The following FARS2 variants were observed in gnomAD, a reference collection of about 807,000 sequenced individuals.
FARS2 encodes the protein phenylalanine--tRNA ligase, mitochondrial.
A neutral mutation model predicts 46.4 loss-of-function variants in FARS2; 40 were observed. That is an observed-to-expected ratio of 0.86 (90% confidence interval 0.67 to 1.12). FARS2 has a LOEUF of 1.12. Ranked by LOEUF, FARS2 falls within the 50% of genes most tolerant of loss-of-function variation. FARS2 has a pLI of 0.00. For missense variants in FARS2, 513 were observed against 567.9 expected, an observed-to-expected ratio of 0.90 and a Z score of 0.98; for synonymous variants, 234 against 214.9, an observed-to-expected ratio of 1.09 and a Z score of -0.78.
At chr6:5,672,191 T>G (rs1778505518) in intron 6 of FARS2, among the ~76,000 whole-genome samples, 1 of 152,158 alleles carries the variant, frequency 6.6e-6, no homozygotes, top group Non-Finnish European at 1.5e-5. Context: ...TAAAGCGGCT[T>G]TGGTGGGGTT....
chr6:5,545,345 G>A lies in FARS2; in HGVS notation c.1065+5G>A, dbSNP rs761240951. ...AATCAGAAGGTGAAGTTTCAGGTAA[G>A]ATGACTTGCAAGAACTGAATAGATA... On this transcript the variant is annotated splice_donor_5th_base_variant and intron_variant, in intron 5 of 6. Coordinates refer to ENST00000274680, the MANE Select transcript of FARS2 (RefSeq NM_006567.5). The A allele has an allele frequency of 1.9e-6, 3 of 1,612,776 alleles. No homozygotes were observed. The highest frequency in any genetic ancestry group is 2.5e-6 in the Non-Finnish European group (3 of 1,179,024).
intron 1 of FARS2, among the ~76,000 whole-genome samples, chr6:5,298,434 T>A (rs1315296297): frequency 6.6e-6 from 1 of 152,210 alleles, no homozygotes; most frequent in Non-Finnish European, 1.5e-5. Flanking sequence ...AGACAAACAC[T>A]TGCTTTAGAC....
chr6:5,275,021 A>G (rs1766237456), intron 1 of FARS2, among the ~76,000 whole-genome samples: 2 of 152,218 alleles, frequency 1.3e-5, no homozygotes, highest in Admixed American at 6.5e-5. Context: ...ACATATTTCA[A>G]TATAGTGCCA....
intron 5 of FARS2, among the ~76,000 whole-genome samples, chr6:5,581,693 G>C (rs1431133595): frequency 1.3e-5 from 2 of 152,174 alleles, no homozygotes; most frequent in African/African-American, 4.8e-5. Context: ...TTCTTTCTGA[G>C]GAGCCAGGCC....
chr6:5,503,735 A>G (rs944773451), intron 4 of FARS2, among the ~76,000 whole-genome samples: 2 of 152,164 alleles, frequency 1.3e-5, no homozygotes, highest in African/African-American at 4.8e-5. Flanking sequence ...CTTTACACAG[A>G]ATGATTGAAC....
At chr6:5,660,134 G>A (rs886864567) in intron 6 of FARS2, among the ~76,000 whole-genome samples, 8 of 152,082 alleles carry the variant, frequency 5.3e-5, no homozygotes, top group East Asian at 1.9e-4. Context: ...TGTCCCCTTC[G>A]TTGATTAGTT....
At chr6:5,439,899 T>TTGC (rs974324592) in intron 4 of FARS2, among the ~76,000 whole-genome samples, 1 of 152,194 alleles carries the variant, frequency 6.6e-6, no homozygotes, top group African/African-American at 2.4e-5. Flanking sequence ...TAAGTCAGTC[T>TTGC]TGCCCCTTTT....
chr6:5,460,199 C>T (rs1353864719), intron 4 of FARS2, among the ~76,000 whole-genome samples: 1 of 152,190 alleles, frequency 6.6e-6, no homozygotes, highest in Non-Finnish European at 1.5e-5. Context: ...ATAATGCAAA[C>T]ACATACTCTC....
At chr6:5,439,005 G>C (rs932103334) in intron 4 of FARS2, among the ~76,000 whole-genome samples, 4 of 152,152 alleles carry the variant, frequency 2.6e-5, no homozygotes, top group African/African-American at 9.7e-5. Context: ...TGTCATCTGT[G>C]GTGACTGTTG....
At chr6:5,363,818 C>A (rs1185031028) in intron 1 of FARS2, among the ~76,000 whole-genome samples, 2 of 152,176 alleles carry the variant, frequency 1.3e-5, no homozygotes, top group Admixed American at 1.3e-4. Context: ...ATTCTTCTAT[C>A]TTTTGCCCAC....
intron 5 of FARS2, among the ~76,000 whole-genome samples, chr6:5,571,440 T>C (rs1772642205): frequency 6.6e-6 from 1 of 152,198 alleles, no homozygotes; most frequent in African/African-American, 2.4e-5. Flanking sequence ...CCAACGCACG[T>C]GGAGAATCCT....
chr6:5,720,910 G>C (rs1759852774), intron 6 of FARS2, among the ~76,000 whole-genome samples: 1 of 152,066 alleles, frequency 6.6e-6, no homozygotes, highest in African/African-American at 2.4e-5. Context: ...TTAATTAGCT[G>C]TGCTAGGTAG....
chr6:5,460,211 G>A (rs1312941485), intron 4 of FARS2, among the ~76,000 whole-genome samples: 1 of 152,104 alleles, frequency 6.6e-6, no homozygotes, highest in Non-Finnish European at 1.5e-5. Context: ...CATACTCTCT[G>A]CAAATTGCCT....
At chr6:5,365,313 C>CTTTATTTTTTT (rs1469292273) in intron 1 of FARS2, among the ~76,000 whole-genome samples, 1 of 68,136 alleles carries the variant, frequency 1.5e-5, no homozygotes, top group Admixed American at 1.6e-4. Context: ...GAGAAGTATA[C>CTTTATTTTTTT]TTTCTTTTTT....
rs1374669094 is a variant in FARS2, at chr6:5,765,378, C to T, written c.1218-5913C>T. Among the ~76,000 whole-genome samples, 2 of 152,364 alleles carry T rather than the reference C, an allele frequency of 1.3e-5. No individual in the cohort carries two copies. Among genetic ancestry groups the T allele is most frequent in the African/African-American group, 4.8e-5 (2 of 41,584 alleles). On this transcript the variant is annotated intron_variant, in intron 6 of 6. Coordinates refer to ENST00000274680, the MANE Select transcript of FARS2 (RefSeq NM_006567.5). The surrounding 1 kb of genome is among the most constrained non-coding windows in gnomAD (Gnocchi z 4.0). ...CAGGCTGAATCTCTCAGAAGGGGAG[C>T]TGACGGGCGGCAGTGGGAGAGTGGA...
chr6:5,250,047 G>T, the FARS2 span, among the ~76,000 whole-genome samples: 1 of 152,034 alleles, frequency 6.6e-6, no homozygotes, highest in Non-Finnish European at 1.5e-5. Flanking sequence ...CTGCAACAAA[G>T]AATAATTTAG....
chr6:5,418,800 C>G (rs1047483826), intron 3 of FARS2, among the ~76,000 whole-genome samples: 41 of 152,208 alleles, frequency 2.7e-4, no homozygotes, highest in Middle Eastern at 3.4e-3. Context: ...TAGGTCTCAC[C>G]CCTCTGGGGG....
intron 4 of FARS2, among the ~76,000 whole-genome samples, chr6:5,480,811 C>T (rs969177632): frequency 2.0e-5 from 3 of 152,216 alleles, no homozygotes. Context: ...CTTCCTCCTT[C>T]CTCCTAGGTT....
chr6:5,651,918 A>T, intron 6 of FARS2, among the ~76,000 whole-genome samples: 1 of 152,124 alleles, frequency 6.6e-6, no homozygotes, highest in Admixed American at 6.5e-5. Context: ...CCCCCTTGAC[A>T]ACAGGAGAAA....
Sources: gnomAD v4.1 joint callset for allele counts (sites outside exome capture counted in the v4.1 genomes callset) on GRCh38, gnomAD v4.1.1 for gene constraint, Gnocchi (gnomAD v3.1) non-coding constraint, MANE v1.5 for transcripts, NCBI Gene and HGNC (gene_info 2026-07-23, HGNC 2026-07-21) for gene names.